KIAA1328: variants seen among roughly 807,000 people sequenced by gnomAD.
KIAA1328 encodes the protein KIAA1328.
Under a neutral mutation model 68.1 loss-of-function variants are expected in KIAA1328, and 52 were observed. The observed-to-expected ratio is 0.76, with a 90% CI of 0.61 to 0.96. KIAA1328 has a LOEUF of 0.96. Among genes scored for constraint, KIAA1328 ranks in the 40% least tolerant of loss-of-function variants. The probability of loss-of-function intolerance (pLI) is 0.00; values close to 1 mark genes in which losing one functional copy is unlikely to be tolerated. For missense variants in KIAA1328, 641 were observed against 677.6 expected (o/e 0.95, Z 0.60); for synonymous variants, 232 against 239.4 (o/e 0.97, Z 0.28).
intron 7 of KIAA1328, among the ~76,000 whole-genome samples, chr18:37,105,250 C>G (rs1320504934): frequency 6.6e-6 from 1 of 152,032 alleles, no homozygotes; most frequent in East Asian, 1.9e-4. Flanking sequence ...CGCCTGTTAT[C>G]CCACTACTTT....
intron 7 of KIAA1328, among the ~76,000 whole-genome samples, chr18:37,112,873 A>G (rs2057977056): frequency 6.6e-6 from 1 of 152,232 alleles, no homozygotes; most frequent in Non-Finnish European, 1.5e-5. Context: ...CACAAGCTTC[A>G]GTAGCTGATT....
chr18:37,100,631 G>A (rs925484451), intron 7 of KIAA1328, among the ~76,000 whole-genome samples: 1 of 152,198 alleles, frequency 6.6e-6, no homozygotes, highest in African/African-American at 2.4e-5. Context: ...AGAAACCTCT[G>A]CAGATTTAAA....
At chr18:37,153,612 G>A (rs2059087195) in intron 7 of KIAA1328, among the ~76,000 whole-genome samples, 1 of 147,938 alleles carries the variant, frequency 6.8e-6, no homozygotes. Flanking sequence ...GGGAGCTGTG[G>A]CAATCCAATA....
chr18:36,850,702 T>C (rs1188563601), intron 4 of KIAA1328, among the ~76,000 whole-genome samples: 2 of 152,154 alleles, frequency 1.3e-5, no homozygotes, highest in Non-Finnish European at 2.9e-5. Flanking sequence ...ATCTGATAAC[T>C]GAGAGGGATG....
chr18:36,885,733 T>C (rs890666633), intron 5 of KIAA1328, 61 bp downstream of exon 5: 24 of 1,157,374 alleles, frequency 2.1e-5, no homozygotes, highest in African/African-American at 3.2e-5. Flanking sequence ...CTTTTTTTTT[T>C]TGAGACGAAA....
chr18:37,087,661 A>G (rs889093008), intron 7 of KIAA1328, among the ~76,000 whole-genome samples: 3 of 152,208 alleles, frequency 2.0e-5, no homozygotes, highest in Middle Eastern at 3.2e-3. Context: ...ATGATCAGGT[A>G]GGCACGCTGG....
chr18:36,943,441 TA>T (rs2050782608), intron 5 of KIAA1328, among the ~76,000 whole-genome samples: 1 of 152,216 alleles, frequency 6.6e-6, no homozygotes, highest in South Asian at 2.1e-4. Context: ...TTATCTGAAC[TA>T]GGGGCCAGAT....
chr18:37,204,648 A>G (rs1334853512), intron 9 of KIAA1328, among the ~76,000 whole-genome samples: 1 of 152,118 alleles, frequency 6.6e-6, no homozygotes, highest in African/African-American at 2.4e-5. Flanking sequence ...AAGCACAGAG[A>G]AAGAGTTTAA....
chr18:37,096,254 T>A (rs547632174), intron 7 of KIAA1328, among the ~76,000 whole-genome samples: 97 of 152,158 alleles, frequency 6.4e-4, no homozygotes, highest in African/African-American at 2.3e-3. Context: ...CAGGCCCCGC[T>A]GTGTGATGTT....
intron 7 of KIAA1328, among the ~76,000 whole-genome samples, chr18:37,113,427 G>T (rs2058000452): frequency 6.6e-6 from 1 of 152,114 alleles, no homozygotes; most frequent in Non-Finnish European, 1.5e-5. Context: ...AAGCAAAGGA[G>T]AAATAAAATC....
chr18:37,014,200 T>G (rs1211782375), intron 6 of KIAA1328, among the ~76,000 whole-genome samples: 1 of 152,222 alleles, frequency 6.6e-6, no homozygotes, highest in Non-Finnish European at 1.5e-5. Flanking sequence ...ATTTGGTTTT[T>G]GCTTGTTGAA....
Position 37,221,276 on chromosome 18 carries a change from G to A in KIAA1328, c.1524-741G>A, listed in dbSNP as rs142063229. Among the ~76,000 whole-genome samples the A allele has an allele frequency of 1.3e-4, 20 of 152,272 alleles. No individual in the cohort carries two copies. The East Asian group carries it at 2.9e-3, about 22-fold the overall frequency. The stretch of plus-strand genomic sequence containing the variant: ...AGAAAAAGTGGAAGGGGGTTAACAG[G>A]AAGGAACTAACATTTATTCAGTGCC... On this transcript the variant is annotated intron_variant, in intron 9 of 9. Transcript: ENST00000280020.
intron 5 of KIAA1328, among the ~76,000 whole-genome samples, chr18:36,891,080 T>G (rs1167790514): frequency 6.6e-6 from 1 of 152,178 alleles, no homozygotes; most frequent in Non-Finnish European, 1.5e-5. Flanking sequence ...ATAATTGAGA[T>G]AGCATTTCAC....
intron 5 of KIAA1328, chr18:36,895,828 TAGA>T (rs896877869): frequency 1.5e-5 from 7 of 455,108 alleles, no homozygotes; most frequent in Admixed American, 4.7e-5. Flanking sequence ...ACTGTTGTCC[TAGA>T]AGAAGAGCAG....
intron 8 of KIAA1328, among the ~76,000 whole-genome samples, chr18:37,172,371 G>T (rs1182324037): frequency 3.9e-5 from 6 of 152,154 alleles, no homozygotes; most frequent in Admixed American, 1.3e-4. Flanking sequence ...GAAGAGAAAA[G>T]TAATTACAAA....
At chr18:36,933,905 G>A (rs2050404638) in intron 5 of KIAA1328, among the ~76,000 whole-genome samples, 1 of 152,214 alleles carries the variant, frequency 6.6e-6, no homozygotes, top group African/African-American at 2.4e-5. Flanking sequence ...TAGGGCTAGA[G>A]CTAACTGGGG....
At chr18:36,885,984 T>A in intron 5 of KIAA1328, 1 of 331,988 alleles carries the variant, frequency 3.0e-6, no homozygotes, top group Non-Finnish European at 5.4e-6. Context: ...CCCAAAGTGC[T>A]AGGATTACAG....
chr18:36,851,222 T>C (rs2047202348), intron 4 of KIAA1328, among the ~76,000 whole-genome samples: 1 of 152,200 alleles, frequency 6.6e-6, no homozygotes, highest in Admixed American at 6.5e-5. Flanking sequence ...GGCATTTTGT[T>C]GGGGATTTTT....
intron 8 of KIAA1328, among the ~76,000 whole-genome samples, chr18:37,171,914 C>A (rs1355959447): frequency 1.3e-5 from 2 of 152,092 alleles, no homozygotes; most frequent in Non-Finnish European, 2.9e-5. Context: ...TCTCAATAAA[C>A]AAACGAACAA....
Sources: allele counts gnomAD v4.1 joint callset (sites outside exome capture counted in the v4.1 genomes callset), GRCh38; gene constraint gnomAD v4.1.1; transcripts MANE v1.5; gene names NCBI Gene and HGNC (gene_info 2026-07-23, HGNC 2026-07-21).